MTIF2: variants seen among roughly 807,000 people sequenced by gnomAD.
The protein encoded by MTIF2 is translation initiation factor IF-2, mitochondrial.
Under a neutral mutation model 83.5 loss-of-function variants are expected in MTIF2, and 71 were observed. That is an observed-to-expected ratio of 0.85 (90% CI 0.70 to 1.04). MTIF2 has a LOEUF of 1.04. Among genes scored for constraint, MTIF2 ranks in the 50% least tolerant of loss-of-function variants. MTIF2 has a pLI of 0.00. For missense variants in MTIF2, 957 were observed against 846.5 expected, an observed-to-expected ratio of 1.13 and a Z score of -1.62; for synonymous variants, 319 against 287.1, an observed-to-expected ratio of 1.11 and a Z score of -1.12.
intron 9 of MTIF2, among the ~76,000 whole-genome samples, chr2:55,247,729 T>C (rs1044778348): frequency 6.6e-6 from 1 of 152,056 alleles, no homozygotes; most frequent in Non-Finnish European, 1.5e-5. Context: ...CCTTTATATA[T>C]CTTGGAAAAG....
chr2:55,264,230 A>G (rs1374135389), intron 3 of MTIF2, among the ~76,000 whole-genome samples: 6 of 152,272 alleles, frequency 3.9e-5, no homozygotes, highest in Non-Finnish European at 7.4e-5. Flanking sequence ...AAACACCCTG[A>G]AACTTCTTTT....
At chr2:55,255,464 A>G (rs1369111279) in intron 5 of MTIF2, among the ~76,000 whole-genome samples, 1 of 147,162 alleles carries the variant, frequency 6.8e-6, no homozygotes, top group East Asian at 1.9e-4. Flanking sequence ...TATAAATCAA[A>G]TATGTAAAAT....
chr2:55,237,530 T>A (rs1487926763), intron 14 of MTIF2, 102 bp from the exon 15 acceptor site: 1 of 1,100,202 alleles, frequency 9.1e-7, no homozygotes, highest in African/African-American at 1.6e-5. Flanking sequence ...ATGACAAAAA[T>A]CCAAATTCAT....
chr2:55,265,273 T>C (rs751593117), intron 3 of MTIF2, among the ~76,000 whole-genome samples: 6 of 150,144 alleles, frequency 4.0e-5, no homozygotes, highest in Non-Finnish European at 8.9e-5. Flanking sequence ...AAGAAGAACA[T>C]GTTTTCTTCT....
intron 4 of MTIF2, among the ~76,000 whole-genome samples, chr2:55,263,364 C>A (rs776237856): frequency 2.6e-5 from 4 of 152,198 alleles, no homozygotes; most frequent in Non-Finnish European, 4.4e-5. Flanking sequence ...AATAAATATT[C>A]TGTAAATGAT....
rs34006068 is a variant in MTIF2, at chr2:55,245,751, TA to T, written c.1106+585del. ...ATGTTAGGTGTTTCTTACCATAATT[TA>T]AAAAAAAAATAATTTCTTATAAGGT... is the stretch of plus-strand genomic sequence containing the variant. On this transcript the variant is annotated intron_variant, in intron 10 of 15. Coordinates refer to ENST00000263629, the MANE Select transcript of MTIF2 (RefSeq NM_002453.3). 3.2e-3 allele frequency among the ~76,000 whole-genome samples: 484 copies of T among 150,924 alleles called. 3 individuals are homozygous for T. Among genetic ancestry groups the T allele is most frequent in the African/African-American group, 0.011 (468 of 41,166 alleles).
At chr2:55,261,055 C>T (rs1314290763) in intron 5 of MTIF2, among the ~76,000 whole-genome samples, 5 of 151,426 alleles carry the variant, frequency 3.3e-5, no homozygotes, top group African/African-American at 4.9e-5. Flanking sequence ...GGCGCGATCT[C>T]GGCTCACTGC....
rs184043266 is a variant in MTIF2, at chr2:55,249,634, T to G, written c.842-100A>C. ...ACTTTCTGTTCTGGTTTTCTCTTTATTCAGTGGATGTTTTTATCTAACAAA... is the reference window on the plus strand; with the variant it reads ...ACTTTCTGTTCTGGTTTTCTCTTTAGTCAGTGGATGTTTTTATCTAACAAA... On this transcript the variant is annotated intron_variant, in intron 8 of 15. Coordinates refer to ENST00000263629, the MANE Select transcript of MTIF2 (RefSeq NM_002453.3). 1.8e-5 allele frequency: 26 copies of G among 1,418,222 alleles called. No individual in the cohort carries two copies. The South Asian group carries it at 1.9e-4, about 10-fold the overall frequency. The allele number at this position is 1,418,222 out of a possible 1,614,324, so 87.9% of individuals were successfully genotyped here.
At chr2:55,251,015 C>A (rs1677051293) in intron 8 of MTIF2, among the ~76,000 whole-genome samples, 1 of 144,914 alleles carries the variant, frequency 6.9e-6, no homozygotes, top group Non-Finnish European at 1.5e-5. Context: ...GAGGCTGAGG[C>A]AGGAGAATCG....
intron 5 of MTIF2, among the ~76,000 whole-genome samples, chr2:55,255,846 T>A (rs901122971): frequency 6.6e-6 from 1 of 152,006 alleles, no homozygotes; most frequent in Admixed American, 6.6e-5. Flanking sequence ...ACATGTCCAA[T>A]AATAACTGCA....
chr2:55,257,473 C>T (rs1392978110), intron 5 of MTIF2, among the ~76,000 whole-genome samples: 2 of 152,020 alleles, frequency 1.3e-5, no homozygotes, highest in African/African-American at 4.8e-5. Flanking sequence ...AGTGAGACTC[C>T]ATCTCAAGAA....
intron 4 of MTIF2, among the ~76,000 whole-genome samples, chr2:55,262,894 A>G (rs192183566): frequency 1.3e-5 from 2 of 152,122 alleles, no homozygotes; most frequent in Non-Finnish European, 2.9e-5. Context: ...ATGCCTGGCT[A>G]ATTTTTGTAT....
At chr2:55,241,764 A>C (rs111556169) in intron 13 of MTIF2, among the ~76,000 whole-genome samples, 11,218 of 151,494 alleles carry the variant, frequency 0.074, 1,218 homozygotes, top group African/African-American at 0.23. Context: ...AATCGCTTGA[A>C]CCCAGGAGGG....
intron 14 of MTIF2, among the ~76,000 whole-genome samples, chr2:55,237,669 G>GAGAC (rs1675980493): frequency 2.9e-4 from 6 of 20,604 alleles, no homozygotes; most frequent in African/African-American, 1.1e-3. Context: ...TTTTTTTTTT[G>GAGAC]AGACAGAGTC....
chr2:55,246,054 C>G (rs1349935462), intron 10 of MTIF2, among the ~76,000 whole-genome samples: 1 of 152,128 alleles, frequency 6.6e-6, no homozygotes, highest in Non-Finnish European at 1.5e-5. Flanking sequence ...TTTACCAATT[C>G]AGTCGAGTCA....
rs1480099990 is a variant in MTIF2, at chr2:55,249,476, C to G, written c.900G>C (p.Val300=). 3.1e-6 allele frequency: 5 copies of G among 1,613,998 alleles called. No individual in the cohort carries two copies. The highest frequency in any genetic ancestry group is 4.2e-6 in the Non-Finnish European group (5 of 1,180,018). The change falls in exon 9 of 16, where the codon GTG becomes GTC. Residue 300 remains valine (V), a synonymous_variant. Transcript: ENST00000263629. ...CDKAEADPEK[V]KKELLAYDVV... ...CATCGTAAGCCAGCAGCTCTTTTTT[C>G]ACTTTCTCAGGATCAGCCTCAGCTT...
intron 6 of MTIF2, among the ~76,000 whole-genome samples, chr2:55,254,439 C>G (rs1014994157): frequency 3.3e-5 from 5 of 152,064 alleles, no homozygotes; most frequent in African/African-American, 1.2e-4. Context: ...AAAATTCAGA[C>G]CAATGTATAC....
rs1678058145 is a variant in MTIF2, at chr2:55,262,235, C to T, written c.331+81G>A. The T allele has an allele frequency of 1.1e-5, 10 of 926,138 alleles. No homozygotes were observed. The South Asian group carries it at 1.2e-4, about 11-fold the overall frequency. The allele number at this position is 926,138 out of a possible 1,614,324, so 57.4% of individuals were successfully genotyped here. A position where few individuals can be genotyped will look rare whatever the true frequency, so the allele number is the denominator to read the frequency against. ...AGTGCCAGTCTAGTTTTTAATCTTTCAATGCCTTAATCTCGTTGCAAATAA... is the reference window on the plus strand; with the variant it reads ...AGTGCCAGTCTAGTTTTTAATCTTTTAATGCCTTAATCTCGTTGCAAATAA... On this transcript the variant is annotated intron_variant, in intron 5 of 15. Transcript: ENST00000263629.
At position 55,244,218 on chromosome 2, in the gene MTIF2, A is replaced by C. The variant is rs749154231; in HGVS notation, c.1122T>G (p.Ala374=). 1 of 1,612,926 alleles carries C rather than the reference A, an allele frequency of 6.2e-7. No homozygotes were observed. Among genetic ancestry groups the C allele is most frequent in the Non-Finnish European group, 8.5e-7 (1 of 1,178,982 alleles). ...TTCTTAAAGTTCCTCTTTGAATTAT[A>C]GCTGTAGTAACAAGACTAAAATGAA... ...TDKGRGLVTT[A]IIQRGTLRKG... The change falls in exon 11 of 16, where the codon GCT becomes GCG. Residue 374 remains alanine, a synonymous_variant. Coordinates refer to ENST00000263629, the MANE Select transcript of MTIF2 (RefSeq NM_002453.3).
Sources: gnomAD v4.1 joint callset for allele counts (sites outside exome capture counted in the v4.1 genomes callset) on GRCh38, gnomAD v4.1.1 for gene constraint, MANE v1.5 for transcripts, NCBI Gene and HGNC (gene_info 2026-07-23, HGNC 2026-07-21) for gene names.